Variants in ABCG1 observed in about 807,000 individuals in gnomAD.
ABCG1 encodes ATP binding cassette subfamily G member 1.
Under a neutral mutation model 69.2 loss-of-function variants are expected in ABCG1, and 29 were observed. That is an observed-to-expected ratio of 0.42 (90% CI 0.31 to 0.57). The LOEUF (loss-of-function observed/expected upper bound fraction) is 0.57. ABCG1 is among the 20% of genes least tolerant of loss of function. The probability of loss-of-function intolerance (pLI) is 0.15; values close to 1 mark genes in which losing one functional copy is unlikely to be tolerated. For synonymous variants in ABCG1, 370 were observed against 374.8 expected (o/e 0.99, Z 0.15); for missense variants, 718 against 898.1 (o/e 0.80, Z 2.56).
In ABCG1 at chr21:42,219,730, G is replaced by A. The variant is rs2067690436; in HGVS notation, c.42+426G>A. ...GGGGAGCCCCGCGCGCGCGGCTGTG[G>A]GCTTGGGGACCGGGGACTTCTCGCG... On this transcript the variant is annotated intron_variant, in intron 1 of 14. Coordinates refer to ENST00000398449, the MANE Select transcript of ABCG1 (RefSeq NM_016818.3). The surrounding 1 kb of genome is among the most constrained non-coding windows in gnomAD (Gnocchi z 5.3). 8.2e-7 allele frequency: 1 copy of A among 1,223,446 alleles called. No homozygotes were observed. Among genetic ancestry groups the A allele is most frequent in the Non-Finnish European group, 1.1e-6 (1 of 918,318 alleles). The allele number at this position is 1,223,446 out of a possible 1,614,324, so 75.8% of individuals were successfully genotyped here. A position where few individuals can be genotyped will look rare whatever the true frequency, so the allele number is the denominator to read the frequency against.
chr21:42,244,901 G>C (rs1248321253), intron 2 of ABCG1, among the ~76,000 whole-genome samples: 1 of 152,280 alleles, frequency 6.6e-6, no homozygotes, highest in Non-Finnish European at 1.5e-5. Context: ...AGAGAGGGCT[G>C]TTGACTTGGC....
intron 3 of ABCG1, among the ~76,000 whole-genome samples, chr21:42,271,636 C>T (rs1169273994): frequency 1.3e-5 from 2 of 152,212 alleles, no homozygotes; most frequent in African/African-American, 4.8e-5. Flanking sequence ...AATCGCAGCA[C>T]TTTGGGAGGC....
intron 2 of ABCG1, chr21:42,256,670 C>T (rs1179984597): frequency 2.1e-6 from 3 of 1,459,448 alleles, no homozygotes; most frequent in Admixed American, 4.8e-5. Context: ...CCTTTCTGCT[C>T]CTCCCAGAGA....
chr21:42,210,909 A>G (rs2067582166), intron 2 of ABCG1, among the ~76,000 whole-genome samples: 2 of 152,076 alleles, frequency 1.3e-5, no homozygotes, highest in African/African-American at 4.8e-5. Context: ...CAAGAGTGCC[A>G]GCAAAATAGG....
intron 6 of ABCG1, 148 bp from the exon 7 acceptor site, chr21:42,284,412 A>T: frequency 1.0e-6 from 1 of 954,510 alleles, no homozygotes. Context: ...AAACAGCAAG[A>T]GCAGAGCCCG....
upstream of ABCG1, among the ~76,000 whole-genome samples, chr21:42,212,767 C>T (rs1352661222): frequency 6.7e-6 from 1 of 149,460 alleles, no homozygotes; most frequent in Admixed American, 6.7e-5. Flanking sequence ...AATCTCGGCT[C>T]ACTGCAAGCT....
In ABCG1 at chr21:42,288,340, G is replaced by A; in HGVS notation, c.1224+28G>A. 1 of 1,547,556 alleles carries A rather than the reference G, an allele frequency of 6.5e-7. No homozygotes were observed. The highest frequency in any genetic ancestry group is 8.9e-7 in the Non-Finnish European group (1 of 1,120,452). On this transcript the variant is annotated intron_variant, in intron 10 of 14. Coordinates refer to ENST00000398449, the MANE Select transcript of ABCG1 (RefSeq NM_016818.3). This position sits in a 1 kb window ranked among gnomAD's most constrained non-coding sequence, Gnocchi z 4.8. ...AAGGCTGCCCGCATCTTCTCCTGTAGCTGGGGAACCCGTGGGTCATTTTCT... is the reference window on the plus strand; with the variant it reads ...AAGGCTGCCCGCATCTTCTCCTGTAACTGGGGAACCCGTGGGTCATTTTCT...
chr21:42,282,350 G>T lies in ABCG1; in HGVS notation c.665G>T (p.Arg222Leu), dbSNP rs1294780786. The T allele has an allele frequency of 6.2e-7, 1 of 1,613,752 alleles. No homozygotes were observed. Residue 222 changes from arginine to leucine, a missense_variant, in exon 6 of 15, where the codon CGC becomes CTC. Physicochemically the swap from Arg to Leu is moderately radical, Grantham distance 102. This residue lies in a region of ABCG1 where 514 missense variants were observed against 574.3 expected (regional missense o/e 0.90). Transcript: ENST00000398449. ...ACCGGGAGCCTGTCAGGTGGTCAGC[G>T]CAAGCGCCTGGCCATCGCGCTGGAG... ...TRTGSLSGGQ[R>L]KRLAIALELV...
chr21:42,290,622 A>G (rs1195999580), intron 11 of ABCG1, among the ~76,000 whole-genome samples: 1 of 151,966 alleles, frequency 6.6e-6, no homozygotes, highest in Non-Finnish European at 1.5e-5. Context: ...TTTGTTCACA[A>G]GGAGACTGCC....
chr21:42,282,590 C>T (rs1208753550), intron 6 of ABCG1, among the ~76,000 whole-genome samples, 171 bp downstream of exon 6: 1 of 152,224 alleles, frequency 6.6e-6, no homozygotes, highest in Non-Finnish European at 1.5e-5. Context: ...CTGACTTATG[C>T]CCCCTCTCTC....
At chr21:42,282,085 G>A (rs1221962925) in intron 5 of ABCG1, among the ~76,000 whole-genome samples, 189 bp from the exon 6 acceptor site, 1 of 152,266 alleles carries the variant, frequency 6.6e-6, no homozygotes, top group Non-Finnish European at 1.5e-5. Flanking sequence ...GACGGCTGAT[G>A]TGGAAATGGC....
intron 2 of ABCG1, among the ~76,000 whole-genome samples, chr21:42,260,965 GCGC>G (rs1304215074): frequency 7.0e-4 from 106 of 152,272 alleles, no homozygotes; most frequent in African/African-American, 2.4e-3. Flanking sequence ...GGGACTACAG[GCGC>G]CAGCCACCAC....
chr21:42,201,514 T>G, intron 1 of ABCG1: 6 of 1,137,906 alleles, frequency 5.3e-6, no homozygotes, highest in African/African-American at 1.6e-5. Context: ...CATGACAGGG[T>G]GAGCTACCCT....
At position 42,275,309 on chromosome 21, in the gene ABCG1, C is replaced by T. The variant is rs369429097; in HGVS notation, c.538-1586C>T. 1.1e-4 allele frequency among the ~76,000 whole-genome samples: 17 copies of T among 152,272 alleles called. 1 individual carries two copies. The highest frequency in any genetic ancestry group is 1.9e-4 in the East Asian group (1 of 5,170). On this transcript the variant is annotated intron_variant, in intron 4 of 14. Transcript: ENST00000398449. Reference sequence around the variant, plus strand: ...TTCTGTGGGTAAGCAGACGCCATTCCCCTGGGCCCAGCATCCCTGGGCGGT... The same window carrying T: ...TTCTGTGGGTAAGCAGACGCCATTCTCCTGGGCCCAGCATCCCTGGGCGGT...
At chr21:42,259,617 G>A in intron 2 of ABCG1, 9 of 1,440,310 alleles carry the variant, frequency 6.2e-6, no homozygotes, top group African/African-American at 5.8e-5. Flanking sequence ...TTTCCTAACT[G>A]TCACTCATTT....
Position 42,296,822 on chromosome 21 carries a change from G to T in ABCG1, c.*430G>T. 1 of 195,626 alleles carries T rather than the reference G, an allele frequency of 5.1e-6. No individual in the cohort carries two copies. 12.1% of individuals were successfully genotyped at this position (195,626 alleles called of 1,614,324 possible). A position where few individuals can be genotyped will look rare whatever the true frequency, so the allele number is the denominator to read the frequency against. On this transcript the variant is annotated 3_prime_UTR_variant, in exon 15 of 15. Coordinates refer to ENST00000398449, the MANE Select transcript of ABCG1 (RefSeq NM_016818.3). This position sits in a 1 kb window ranked among gnomAD's most constrained non-coding sequence, Gnocchi z 5.4. Reference sequence around the variant, plus strand: ...AGATGTCTGGTGGCAGAGAGTCCGAGCATGGAGCGATTCCATTTTATGACT... The same window carrying T: ...AGATGTCTGGTGGCAGAGAGTCCGATCATGGAGCGATTCCATTTTATGACT...
rs549009892 is a variant in ABCG1 at position 42,281,328 on chromosome 21, G to T, written c.589-946G>T. ...TGAATGCTGGAGGGAGCTCCAGGTG[G>T]GCTGTCCCCAGGGTAGGGAGGCAGG... On this transcript the variant is annotated intron_variant, in intron 5 of 14. Transcript: ENST00000398449. Among the ~76,000 whole-genome samples the T allele has an allele frequency of 5.6e-4, 86 of 152,320 alleles. 1 individual carries two copies. In the South Asian group the frequency reaches 0.018, roughly 32 times the overall value.
At chr21:42,231,203 A>G (rs73362724) in intron 2 of ABCG1, among the ~76,000 whole-genome samples, 5,051 of 152,324 alleles carry the variant, frequency 0.033, 296 homozygotes, top group African/African-American at 0.11. Context: ...TTTCTCTCCA[A>G]CAGGTGAAGC....
At chr21:42,222,400 G>A (rs1489022023) in intron 1 of ABCG1, among the ~76,000 whole-genome samples, 1 of 152,230 alleles carries the variant, frequency 6.6e-6, no homozygotes, top group Non-Finnish European at 1.5e-5. Context: ...TTGCTTTGCT[G>A]TTGGCTTATT....
Sources: allele counts gnomAD v4.1 joint callset (sites outside exome capture counted in the v4.1 genomes callset), GRCh38; gene constraint gnomAD v4.1.1; regional missense constraint gnomAD v4.1.1; non-coding constraint Gnocchi (gnomAD v3.1); transcripts MANE v1.5; gene names NCBI Gene and HGNC (gene_info 2026-07-23, HGNC 2026-07-21).